GPC6: variants seen among roughly 807,000 people sequenced by gnomAD.
GPC6 encodes glypican-6.
A neutral mutation model predicts 55.2 loss-of-function variants in GPC6; 14 were observed. The ratio of observed to expected loss-of-function variants is 0.25; its 90% CI spans 0.17 to 0.40. The LOEUF (loss-of-function observed/expected upper bound fraction) is 0.40, where lower values mean the gene tolerates loss of function less well. GPC6 is among the 10% of genes least tolerant of loss of function. GPC6 has a pLI of 1.00. For synonymous variants in GPC6, 278 were observed against 259.6 expected (o/e 1.07, Z -0.68); for missense variants, 641 against 708.5 (o/e 0.90, Z 1.08).
In GPC6 at chr13:93,352,606, A is replaced by C. The variant is rs188783874; in HGVS notation, c.160+124990A>C. Among the ~76,000 whole-genome samples, 17 of 152,222 alleles carry C rather than the reference A, an allele frequency of 1.1e-4. No individual in the cohort carries two copies. In the East Asian group the frequency reaches 1.2e-3, roughly 10 times the overall value. On this transcript the variant is annotated intron_variant, in intron 1 of 8. Transcript: ENST00000377047. ...ATCCTATGAGGTGAGAGCCTGCTTG[A>C]CATTTTTGAAAAACACCATGGGGAT...
intron 4 of GPC6, among the ~76,000 whole-genome samples, chr13:94,089,246 A>ACC (rs1885394552): frequency 3.3e-5 from 5 of 152,182 alleles, no homozygotes; most frequent in Non-Finnish European, 7.3e-5. Flanking sequence ...CTGCACTGTG[A>ACC]TTGGGCTGAT....
intron 4 of GPC6, among the ~76,000 whole-genome samples, chr13:94,191,502 G>A (rs920265843): frequency 6.6e-6 from 1 of 152,062 alleles, no homozygotes. Context: ...TACACTGCAC[G>A]GCATCAGGAC....
At chr13:93,955,245 A>G (rs1369307079) in intron 3 of GPC6, among the ~76,000 whole-genome samples, 1 of 19,468 alleles carries the variant, frequency 5.1e-5, no homozygotes, top group Non-Finnish European at 7.4e-5. Flanking sequence ...ATGAACATGC[A>G]CACACACACA....
At chr13:94,138,347 C>T (rs926055409) in intron 4 of GPC6, among the ~76,000 whole-genome samples, 1 of 152,150 alleles carries the variant, frequency 6.6e-6, no homozygotes, top group African/African-American at 2.4e-5. Flanking sequence ...ACCTCACAGC[C>T]CTTGTACCAG....
At chr13:93,342,117 C>T (rs1396480719) in intron 1 of GPC6, among the ~76,000 whole-genome samples, 1 of 151,932 alleles carries the variant, frequency 6.6e-6, no homozygotes, top group African/African-American at 2.4e-5. Context: ...GAATCACCCA[C>T]CTCGGCCTCC....
chr13:93,660,364 CAGA>C (rs1178620483), intron 2 of GPC6, among the ~76,000 whole-genome samples: 1 of 152,122 alleles, frequency 6.6e-6, no homozygotes, highest in East Asian at 1.9e-4. Flanking sequence ...TAGCTTCTCG[CAGA>C]AGGTCAGTAA....
chr13:93,316,719 A>G (rs1221531209), intron 1 of GPC6, among the ~76,000 whole-genome samples: 1 of 152,090 alleles, frequency 6.6e-6, no homozygotes, highest in Non-Finnish European at 1.5e-5. Context: ...CTTTAAAATT[A>G]GCCTTATACC....
chr13:93,985,689 C>CA (rs34003218), intron 3 of GPC6, among the ~76,000 whole-genome samples: 12,128 of 69,528 alleles, frequency 0.17, 955 homozygotes, highest in African/African-American at 0.37. Context: ...AAGACCTGGC[C>CA]AAAAAAAAAA....
intron 1 of GPC6, among the ~76,000 whole-genome samples, chr13:93,396,455 C>T (rs867357071): frequency 9.4e-4 from 142 of 151,832 alleles, no homozygotes; most frequent in African/African-American, 3.3e-3. Flanking sequence ...CCCAGCTACT[C>T]GGGAGGCTGA....
intron 2 of GPC6, among the ~76,000 whole-genome samples, chr13:93,827,122 G>T (rs1887293317): frequency 6.6e-6 from 1 of 152,096 alleles, no homozygotes; most frequent in South Asian, 2.1e-4. Context: ...CTGCCAAACT[G>T]TTTTTTGCAG....
At chr13:94,307,467 C>A (rs533139042) in intron 6 of GPC6, among the ~76,000 whole-genome samples, 6 of 152,250 alleles carry the variant, frequency 3.9e-5, no homozygotes, top group African/African-American at 1.4e-4. Context: ...CAGGCATACA[C>A]CACCATGCCC....
intron 4 of GPC6, among the ~76,000 whole-genome samples, chr13:94,108,185 T>G (rs1434492766): frequency 6.6e-6 from 1 of 152,140 alleles, no homozygotes; most frequent in African/African-American, 2.4e-5. Flanking sequence ...GGTATATATG[T>G]ATAATGGAAT....
intron 6 of GPC6, among the ~76,000 whole-genome samples, chr13:94,371,076 C>A (rs1370451892): frequency 6.6e-6 from 1 of 152,068 alleles, no homozygotes; most frequent in African/African-American, 2.4e-5. Context: ...AATGCCTTAG[C>A]CAGTACATAT....
upstream of GPC6, among the ~76,000 whole-genome samples, chr13:93,221,944 A>G (rs1210877507): frequency 1.3e-5 from 2 of 152,330 alleles, no homozygotes; most frequent in South Asian, 4.1e-4. Context: ...ACTAAAATTC[A>G]CCTATTATTT....
intron 3 of GPC6, among the ~76,000 whole-genome samples, chr13:94,024,457 G>A (rs1174332964): frequency 1.3e-5 from 2 of 152,130 alleles, no homozygotes; most frequent in Non-Finnish European, 2.9e-5. Context: ...TCAGTTTGAA[G>A]TGATGATTTT....
At chr13:93,404,440 C>T (rs756125135) in intron 1 of GPC6, among the ~76,000 whole-genome samples, 5 of 152,034 alleles carry the variant, frequency 3.3e-5, no homozygotes, top group Non-Finnish European at 5.9e-5. Flanking sequence ...TTTCTTTGAC[C>T]TCACATTGCC....
rs573647675 is a variant in GPC6 at position 93,649,077 on chromosome 13, T to A, written c.319+103656T>A. ...AGTAATCTCTTTCTGCATGATCAAG[T>A]AATGGTAACTTGAACTATATGGATC... On this transcript the variant is annotated intron_variant, in intron 2 of 8. Coordinates refer to ENST00000377047, the MANE Select transcript of GPC6 (RefSeq NM_005708.5). Among the ~76,000 whole-genome samples, 5 of 152,260 alleles carry A rather than the reference T, an allele frequency of 3.3e-5. No homozygotes were observed. The South Asian group carries it at 1.0e-3, about 32-fold the overall frequency.
chr13:93,635,644 T>G (rs1879659636), intron 2 of GPC6, among the ~76,000 whole-genome samples: 1 of 152,162 alleles, frequency 6.6e-6, no homozygotes, highest in Non-Finnish European at 1.5e-5. Flanking sequence ...AATACAGCAA[T>G]CTGTCTTGCA....
At chr13:93,397,560 A>C (rs2139227141) in intron 1 of GPC6, among the ~76,000 whole-genome samples, 1 of 152,278 alleles carries the variant, frequency 6.6e-6, no homozygotes, top group Admixed American at 6.5e-5. Context: ...ATTGCCTTAT[A>C]TTTTGTACTT....
Sources: gnomAD v4.1 joint callset for allele counts (sites outside exome capture counted in the v4.1 genomes callset) on GRCh38, gnomAD v4.1.1 for gene constraint, MANE v1.5 for transcripts, NCBI Gene and HGNC (gene_info 2026-07-23, HGNC 2026-07-21) for gene names.